Variants in TTLL11 observed in about 807,000 individuals in gnomAD.
TTLL11 encodes the protein tubulin polyglutamylase TTLL11.
In TTLL11, 42 loss-of-function variants were observed where a neutral mutation model predicts 51.7. The observed-to-expected ratio is 0.81, with a 90% CI of 0.64 to 1.05. The LOEUF (loss-of-function observed/expected upper bound fraction) is 1.05. Among genes scored for constraint, TTLL11 ranks in the 50% least tolerant of loss-of-function variants. The pLI, the probability that TTLL11 is intolerant of heterozygous loss-of-function variation, is 0.00. For missense variants in TTLL11, 799 were observed against 940.4 expected, an observed-to-expected ratio of 0.85 and a Z score of 1.97; for synonymous variants, 381 against 383.5, an observed-to-expected ratio of 0.99 and a Z score of 0.08.
At chr9:122,019,757 C>T (rs1010725200) in intron 3 of TTLL11, among the ~76,000 whole-genome samples, 14 of 152,160 alleles carry the variant, frequency 9.2e-5, no homozygotes, top group African/African-American at 3.4e-4. Context: ...GTGTCCCCAC[C>T]CAAATCTTAT....
Position 121,989,015 on chromosome 9 carries a change from C to A in TTLL11, c.1269+180G>T. 6.8e-7 allele frequency: 1 copy of A among 1,462,696 alleles called. No individual in the cohort carries two copies. 90.6% of individuals were successfully genotyped at this position (1,462,696 alleles called of 1,614,324 possible). On this transcript the variant is annotated intron_variant, in intron 4 of 8. Transcript: ENST00000321582. The surrounding 1 kb of genome is among the most constrained non-coding windows in gnomAD (Gnocchi z 4.2). Reference sequence around the variant, plus strand: ...GGGAAGTAGCTTGCCCCAAATCACACAGGGAGCAAACAGAAAGCTTGGAAG... The same window carrying A: ...GGGAAGTAGCTTGCCCCAAATCACAAAGGGAGCAAACAGAAAGCTTGGAAG...
chr9:122,020,593 G>A (rs1389713593), intron 3 of TTLL11, among the ~76,000 whole-genome samples: 25 of 152,220 alleles, frequency 1.6e-4, no homozygotes, highest in Admixed American at 1.6e-3. Context: ...TTAGGTAATT[G>A]TTATGGACTA....
intron 1 of TTLL11, among the ~76,000 whole-genome samples, chr9:122,052,267 T>TGAGG (rs1243433337): frequency 6.6e-6 from 1 of 152,150 alleles, no homozygotes; most frequent in Non-Finnish European, 1.5e-5. Flanking sequence ...CCACCCCAAC[T>TGAGG]GAGGGGCTCA....
chr9:122,040,341 G>A, intron 1 of TTLL11: 1 of 985,116 alleles, frequency 1.0e-6, no homozygotes, highest in Non-Finnish European at 1.2e-6. Flanking sequence ...AAGCTATAGA[G>A]TTTCAATTAT....
Position 121,854,405 on chromosome 9 carries a change from G to A in TTLL11, c.1840+5932C>T, listed in dbSNP as rs150184908. On this transcript the variant is annotated intron_variant, in intron 8 of 8. Coordinates refer to ENST00000321582, the MANE Select transcript of TTLL11 (RefSeq NM_001139442.2). ...GAGCTCTCATGGGAAGGGGACGTGG[G>A]GAAGACTCCACAGTCAGTTTTTTCT... 5.9e-5 allele frequency among the ~76,000 whole-genome samples: 9 copies of A among 152,270 alleles called. No individual in the cohort carries two copies. In the East Asian group the frequency reaches 1.5e-3, roughly 26 times the overall value.
chr9:121,999,078 C>T (rs1843380388), intron 3 of TTLL11, among the ~76,000 whole-genome samples: 1 of 152,206 alleles, frequency 6.6e-6, no homozygotes, highest in African/African-American at 2.4e-5. Context: ...GATTCTCTTG[C>T]CCACTACATC....
At chr9:122,026,909 TAAAAAA>T (rs57149192) in intron 3 of TTLL11, among the ~76,000 whole-genome samples, 2 of 119,922 alleles carry the variant, frequency 1.7e-5, no homozygotes, top group African/African-American at 5.7e-5. Flanking sequence ...AAGTTCATTC[TAAAAAA>T]AAAAAAAAAA....
chr9:122,033,086 C>T (rs1351848870), intron 2 of TTLL11, among the ~76,000 whole-genome samples: 1 of 152,180 alleles, frequency 6.6e-6, no homozygotes, highest in East Asian at 1.9e-4. Context: ...CAGGTGTAAG[C>T]CGCCATGCCT....
intron 3 of TTLL11, among the ~76,000 whole-genome samples, chr9:121,996,089 G>A (rs1843250885): frequency 1.3e-5 from 2 of 152,156 alleles, no homozygotes; most frequent in Admixed American, 6.5e-5. Context: ...CAGTGGCATC[G>A]ATTACCCCTG....
chr9:121,830,668 C>G (rs374715123), intron 8 of TTLL11, among the ~76,000 whole-genome samples: 18 of 152,154 alleles, frequency 1.2e-4, no homozygotes, highest in Admixed American at 3.9e-4. Flanking sequence ...CCGCACAGCC[C>G]CAGATTCTTC....
chr9:121,965,255 T>C (rs937609398), intron 6 of TTLL11, among the ~76,000 whole-genome samples: 1 of 152,156 alleles, frequency 6.6e-6, no homozygotes. Context: ...TACTTGAGAC[T>C]GGGTAATTTA....
chr9:121,968,496 C>A (rs1323332960), intron 6 of TTLL11, among the ~76,000 whole-genome samples: 1 of 152,154 alleles, frequency 6.6e-6, no homozygotes, highest in Non-Finnish European at 1.5e-5. Flanking sequence ...TTAAGTATAC[C>A]AGGAAAGAGA....
intron 8 of TTLL11, among the ~76,000 whole-genome samples, chr9:121,848,221 GA>G (rs946933884): frequency 1.1e-3 from 147 of 136,936 alleles, no homozygotes; most frequent in East Asian, 2.3e-3. Flanking sequence ...GAAAAAAAAA[GA>G]AAAAAAAAAA....
intron 8 of TTLL11, among the ~76,000 whole-genome samples, chr9:121,852,554 TG>T (rs958767138): frequency 4.6e-5 from 7 of 152,208 alleles, no homozygotes; most frequent in African/African-American, 1.4e-4. Flanking sequence ...TGTCTGTTTT[TG>T]GGGGGTGGGG....
chr9:121,838,381 C>A (rs995692774), intron 8 of TTLL11, among the ~76,000 whole-genome samples: 15 of 152,148 alleles, frequency 9.9e-5, no homozygotes, highest in African/African-American at 3.6e-4. Flanking sequence ...TCCCTGTTTC[C>A]ACTATTGCCC....
At chr9:122,020,072 G>A (rs1292250815) in intron 3 of TTLL11, among the ~76,000 whole-genome samples, 2 of 152,156 alleles carry the variant, frequency 1.3e-5, no homozygotes, top group Non-Finnish European at 2.9e-5. Context: ...GTCTTTAACA[G>A]CAGCATGAAA....
At chr9:121,866,073 A>G (rs1388516831) in intron 7 of TTLL11, among the ~76,000 whole-genome samples, 3 of 152,232 alleles carry the variant, frequency 2.0e-5, no homozygotes, top group African/African-American at 7.2e-5. Context: ...AACTTCTGCC[A>G]TTTGCGTGGG....
chr9:121,920,525 A>T (rs1455790747), intron 6 of TTLL11, among the ~76,000 whole-genome samples: 1 of 152,248 alleles, frequency 6.6e-6, no homozygotes, highest in Non-Finnish European at 1.5e-5. Flanking sequence ...CAAATAGCCC[A>T]TCTTGCACAT....
intron 1 of TTLL11, among the ~76,000 whole-genome samples, chr9:122,075,735 TAAGTAAGGAAC>T (rs920657521): frequency 3.9e-5 from 6 of 152,194 alleles, no homozygotes; most frequent in African/African-American, 1.2e-4. Context: ...TGAGACTCCT[TAAGTAAGGAAC>T]AAGTGCACAG....
Sources: allele counts gnomAD v4.1 joint callset (sites outside exome capture counted in the v4.1 genomes callset), GRCh38; gene constraint gnomAD v4.1.1; non-coding constraint Gnocchi (gnomAD v3.1); transcripts MANE v1.5; gene names NCBI Gene and HGNC (gene_info 2026-07-23, HGNC 2026-07-21).